The following FAM227B variants were observed in gnomAD, a reference collection of about 807,000 sequenced individuals.
FAM227B encodes the protein family with sequence similarity 227 member B.
Under a neutral mutation model 73.8 loss-of-function variants are expected in FAM227B, and 88 were observed. The ratio of observed to expected loss-of-function variants is 1.19; its 90% CI spans 1.00 to 1.42. The LOEUF is 1.42. Among genes scored for constraint, FAM227B ranks in the 40% most tolerant of loss-of-function variants. FAM227B has a pLI of 0.00. For missense variants in FAM227B, 632 were observed against 590.9 expected (o/e 1.07, Z -0.72); for synonymous variants, 210 against 190.5 (o/e 1.10, Z -0.84).
At chr15:49,351,161 A>G (rs753368433) in intron 13 of FAM227B, among the ~76,000 whole-genome samples, 1 of 152,202 alleles carries the variant, frequency 6.6e-6, no homozygotes, top group Non-Finnish European at 1.5e-5. Flanking sequence ...GAATTCAGGT[A>G]GTAGAGAAAT....
chr15:49,596,753 A>C (rs1259808168), intron 3 of FAM227B, among the ~76,000 whole-genome samples: 2 of 151,998 alleles, frequency 1.3e-5, no homozygotes, highest in Non-Finnish European at 2.9e-5. Context: ...AGACTCACAT[A>C]AACTTAAGGT....
intron 5 of FAM227B, among the ~76,000 whole-genome samples, chr15:49,578,099 G>C (rs57378870): frequency 0.059 from 9,048 of 152,222 alleles, 971 homozygotes; most frequent in African/African-American, 0.21. Flanking sequence ...AGGCCTAATA[G>C]CCACAACTGG....
intron 9 of FAM227B, 98 bp from the exon 10 acceptor site, chr15:49,541,904 AT>A: frequency 1.0e-6 from 1 of 969,138 alleles, no homozygotes; most frequent in Non-Finnish European, 1.4e-6. Context: ...TTGCCTTGCA[AT>A]TTATTAACCG....
chr15:49,550,882 C>T (rs1376553633), intron 9 of FAM227B, among the ~76,000 whole-genome samples: 280 of 152,172 alleles, frequency 1.8e-3, no homozygotes, highest in Middle Eastern at 3.4e-3. Flanking sequence ...GACGGGGTGG[C>T]GGCCGGGCAG....
chr15:49,391,810 T>C (rs2047227047), intron 11 of FAM227B, among the ~76,000 whole-genome samples: 1 of 152,156 alleles, frequency 6.6e-6, no homozygotes, highest in Non-Finnish European at 1.5e-5. Flanking sequence ...TAACTTCTGC[T>C]TTCCTAAAAA....
chr15:49,407,023 C>T (rs2048561460), intron 11 of FAM227B, among the ~76,000 whole-genome samples: 4 of 152,110 alleles, frequency 2.6e-5, no homozygotes, highest in African/African-American at 7.2e-5. Context: ...GGACTGGCCC[C>T]GTCTGATGGG....
At chr15:49,480,133 T>C (rs1377788837) in intron 11 of FAM227B, among the ~76,000 whole-genome samples, 1 of 152,202 alleles carries the variant, frequency 6.6e-6, no homozygotes, top group Non-Finnish European at 1.5e-5. Flanking sequence ...CAATTGTCTT[T>C]TAGATATGTT....
At chr15:49,382,006 C>T (rs1332838716) in intron 11 of FAM227B, among the ~76,000 whole-genome samples, 1 of 151,974 alleles carries the variant, frequency 6.6e-6, no homozygotes, top group African/African-American at 2.4e-5. Context: ...TAAAGATACA[C>T]ATGATATTTC....
chr15:49,397,025 G>C (rs1006861706), intron 11 of FAM227B, among the ~76,000 whole-genome samples: 1 of 152,136 alleles, frequency 6.6e-6, no homozygotes, highest in Non-Finnish European at 1.5e-5. Context: ...GAGAGAAGAA[G>C]GCTTCAGATG....
intron 14 of FAM227B, among the ~76,000 whole-genome samples, chr15:49,332,088 CACA>C (rs1226443836): frequency 3.6e-5 from 2 of 55,270 alleles, no homozygotes; most frequent in South Asian, 6.2e-4. Context: ...GCACACGTGC[CACA>C]CACACACACA....
At chr15:49,329,338 A>T in intron 15 of FAM227B, 1 of 985,382 alleles carries the variant, frequency 1.0e-6, no homozygotes, top group South Asian at 4.7e-5. Context: ...TTATGTAATG[A>T]TTTGGACCAA....
At chr15:49,547,350 G>A (rs4267253) in intron 9 of FAM227B, among the ~76,000 whole-genome samples, 45,221 of 145,524 alleles carry the variant, frequency 0.31, 7,597 homozygotes, top group African/African-American at 0.44. Context: ...GACCATCAAG[G>A]CTAGGAAGAA....
intron 3 of FAM227B, 117 bp downstream of exon 3, chr15:49,611,098 T>G: frequency 1.6e-6 from 1 of 612,260 alleles, no homozygotes; most frequent in Non-Finnish European, 2.9e-6. Flanking sequence ...CACACTTTCC[T>G]CATTGAAACA....
intron 9 of FAM227B, among the ~76,000 whole-genome samples, chr15:49,565,779 C>T (rs2074606526): frequency 6.6e-6 from 1 of 152,044 alleles, no homozygotes; most frequent in African/African-American, 2.4e-5. Context: ...ACTTAATCCC[C>T]ACTTAAAATA....
intron 3 of FAM227B, among the ~76,000 whole-genome samples, chr15:49,591,913 T>C (rs1156285596): frequency 2.6e-5 from 4 of 152,232 alleles, no homozygotes; most frequent in Non-Finnish European, 5.9e-5. Context: ...TCCATTCTTA[T>C]GTTGAAAAGC....
chr15:49,608,258 C>T (rs2077652179), intron 3 of FAM227B, among the ~76,000 whole-genome samples: 1 of 152,084 alleles, frequency 6.6e-6, no homozygotes, highest in Non-Finnish European at 1.5e-5. Flanking sequence ...AAAACAGGGT[C>T]AGTGAAGCAA....
Position 49,359,431 on chromosome 15 carries a change from C to T in FAM227B, c.1271+8017G>A, listed in dbSNP as rs1350966283. Among the ~76,000 whole-genome samples the T allele has an allele frequency of 2.5e-5, 3 of 119,244 alleles. 1 individual carries two copies. The highest frequency in any genetic ancestry group is 2.7e-4 in the South Asian group (1 of 3,644). 78.2% of individuals were successfully genotyped at this position (119,244 alleles called of 152,430 possible). A position where few individuals can be genotyped will look rare whatever the true frequency, so the allele number is the denominator to read the frequency against. ...ACCCCATCAAATAGTGGGCGAAGGACATGAACAGACACTTCTCAAAAGAAG... is the reference window on the plus strand; with the variant it reads ...ACCCCATCAAATAGTGGGCGAAGGATATGAACAGACACTTCTCAAAAGAAG... On this transcript the variant is annotated intron_variant, in intron 13 of 15. Coordinates refer to ENST00000299338, the MANE Select transcript of FAM227B (RefSeq NM_152647.3).
At chr15:49,346,568 T>C (rs559092800) in intron 13 of FAM227B, among the ~76,000 whole-genome samples, 78 of 152,264 alleles carry the variant, frequency 5.1e-4, no homozygotes, top group African/African-American at 1.9e-3. Flanking sequence ...CAGTGATTGA[T>C]TCACTGTGCA....
At chr15:49,500,577 A>G (rs2058056379) in intron 11 of FAM227B, among the ~76,000 whole-genome samples, 1 of 152,240 alleles carries the variant, frequency 6.6e-6, no homozygotes, top group African/African-American at 2.4e-5. Context: ...ACTCACGAGA[A>G]TAGCTAAAAT....
Sources: allele counts gnomAD v4.1 joint callset (sites outside exome capture counted in the v4.1 genomes callset), GRCh38; gene constraint gnomAD v4.1.1; transcripts MANE v1.5; gene names NCBI Gene and HGNC (gene_info 2026-07-23, HGNC 2026-07-21).